MBP: variants seen among roughly 807,000 people sequenced by gnomAD.
MBP encodes myelin basic protein, also known as Golli-MBP.
Under a neutral mutation model 35.8 loss-of-function variants are expected in MBP, and 16 were observed. The ratio of observed to expected loss-of-function variants is 0.45; its 90% confidence interval spans 0.30 to 0.68. The LOEUF (loss-of-function observed/expected upper bound fraction) is 0.68, where lower values mean the gene tolerates loss of function less well. Among genes scored for constraint, MBP ranks in the 30% least tolerant of loss-of-function variants. The probability of loss-of-function intolerance (pLI) is 0.08; values close to 1 mark genes in which losing one functional copy is unlikely to be tolerated. For missense variants in MBP, 380 were observed against 404.7 expected, an observed-to-expected ratio of 0.94 and a Z score of 0.52; for synonymous variants, 143 against 159.6, an observed-to-expected ratio of 0.90 and a Z score of 0.78.
chr18:77,047,985 A>G (rs1973324001), intron 3 of MBP, among the ~76,000 whole-genome samples: 1 of 152,248 alleles, frequency 6.6e-6, no homozygotes, highest in African/African-American at 2.4e-5. Flanking sequence ...CTAGAAATCA[A>G]ATAATTTTCA....
intron 1 of MBP, among the ~76,000 whole-genome samples, chr18:77,125,780 A>C (rs1261780534): frequency 6.6e-6 from 1 of 152,056 alleles, no homozygotes; most frequent in East Asian, 1.9e-4. Flanking sequence ...TCGATAAAAT[A>C]TGTACACCTA....
intron 3 of MBP, among the ~76,000 whole-genome samples, chr18:77,051,762 T>C (rs470917): frequency 1 from 152,239 of 152,344 alleles, 76,067 homozygotes; most frequent in Middle Eastern, 1. Context: ...GTGACAGTGA[T>C]GGGGTTCAGT....
chr18:77,078,581 A>G (rs995678580), intron 2 of MBP, among the ~76,000 whole-genome samples: 1 of 152,232 alleles, frequency 6.6e-6, no homozygotes, highest in Non-Finnish European at 1.5e-5. Context: ...AGGAAATTCG[A>G]AGCCGTCTTC....
chr18:77,092,905 G>T (rs1364057306), intron 2 of MBP, among the ~76,000 whole-genome samples: 1 of 152,146 alleles, frequency 6.6e-6, no homozygotes, highest in African/African-American at 2.4e-5. Context: ...CCGGCCCCGC[G>T]TGCGTATTTC....
At chr18:77,014,132 C>T in intron 4 of MBP, 1 of 985,454 alleles carries the variant, frequency 1.0e-6, no homozygotes, top group Non-Finnish European at 1.2e-6. Context: ...CGTGAATGCA[C>T]TTTTCATTTA....
chr18:77,124,226 C>T (rs561961744), intron 1 of MBP, among the ~76,000 whole-genome samples: 2 of 152,310 alleles, frequency 1.3e-5, no homozygotes, highest in Admixed American at 1.3e-4. Flanking sequence ...TCTATCTCCT[C>T]TTTATTACTT....
chr18:77,044,723 C>G lies in MBP; in HGVS notation c.139+21575G>C, dbSNP rs1225664096. Among the ~76,000 whole-genome samples the G allele has an allele frequency of 6.6e-6, 1 of 152,132 alleles. No homozygotes were observed. The highest frequency in any genetic ancestry group is 1.5e-5 in the Non-Finnish European group (1 of 68,024). On this transcript the variant is annotated intron_variant, in intron 3 of 8. Transcript: ENST00000355994. The surrounding 1 kb of genome is among the most constrained non-coding windows in gnomAD (Gnocchi z 4.4). The stretch of plus-strand genomic sequence containing the variant: ...AAGTCAGATCTGAAATGCTTAAAAG[C>G]AAATTAAACTTAACTCATAAAAGGA...
Position 76,979,862 on chromosome 18 carries a change from G to A in MBP, c.*565C>T, listed in dbSNP as rs1969077957. The A allele has an allele frequency of 4.4e-6, 3 of 676,496 alleles. No homozygotes were observed. The Admixed American group carries it at 6.5e-5, about 15-fold the overall frequency. 41.9% of individuals were successfully genotyped at this position (676,496 alleles called of 1,614,324 possible). On this transcript the variant is annotated 3_prime_UTR_variant, in exon 9 of 9. Coordinates refer to ENST00000355994, the MANE Select transcript of MBP (RefSeq NM_001025101.2). The stretch of plus-strand genomic sequence containing the variant: ...ACTCTAACAGCTGCCCAGCCCGCAT[G>A]TCACATACCAAAAGCTCCCACATGT...
At chr18:77,090,391 CT>C (rs56972371) in intron 2 of MBP, among the ~76,000 whole-genome samples, 22,663 of 152,216 alleles carry the variant, frequency 0.15, 1,832 homozygotes, top group African/African-American at 0.22. Context: ...TGGATCCATG[CT>C]TTCACCAGCT....
chr18:76,997,891 C>T (rs1188352134), intron 4 of MBP, among the ~76,000 whole-genome samples: 1 of 152,062 alleles, frequency 6.6e-6, no homozygotes, highest in South Asian at 2.1e-4. Context: ...ACTGTGTTAG[C>T]CAGGATGGTC....
chr18:77,046,733 A>T (rs1324205076), intron 3 of MBP, among the ~76,000 whole-genome samples: 1 of 152,110 alleles, frequency 6.6e-6, no homozygotes, highest in Non-Finnish European at 1.5e-5. Context: ...CTCTCCAAAG[A>T]CTCGGTCCTT....
At chr18:77,028,820 G>A (rs1164941304) in intron 3 of MBP, among the ~76,000 whole-genome samples, 1 of 102,934 alleles carries the variant, frequency 9.7e-6, no homozygotes, top group African/African-American at 2.8e-5. Context: ...CAGACGGGGC[G>A]GCCGGGCAGA....
chr18:77,094,715 A>G (rs1389493085), intron 2 of MBP, among the ~76,000 whole-genome samples: 2 of 152,218 alleles, frequency 1.3e-5, no homozygotes, highest in African/African-American at 4.8e-5. Flanking sequence ...AAACAGAGCT[A>G]ATACCTGTCT....
At chr18:77,014,325 G>C in intron 4 of MBP, 4 of 985,520 alleles carry the variant, frequency 4.1e-6, no homozygotes, top group African/African-American at 1.7e-5. Flanking sequence ...AGGAGGGTGG[G>C]AGGAGGACAA....
chr18:77,084,426 CCACACCACACACA>C lies in MBP; in HGVS notation c.52-18054_52-18042del, dbSNP rs1364738951. Among the ~76,000 whole-genome samples, 199 of 58,510 alleles carry C rather than the reference CCACACCACACACA, an allele frequency of 3.4e-3. 3 individuals carry two copies. The highest frequency in any genetic ancestry group is 8.6e-3 in the African/African-American group (138 of 16,108). 38.4% of individuals were successfully genotyped at this position (58,510 alleles called of 152,430 possible). On this transcript the variant is annotated intron_variant, in intron 2 of 8. Coordinates refer to ENST00000355994, the MANE Select transcript of MBP (RefSeq NM_001025101.2). ...TCACAACACCGCCCCCCCCGCCACA[CCACACCACACACA>C]CACACACACACACACACACACACAC...
At chr18:77,018,340 CTAT>C (rs1971766329) in intron 3 of MBP, among the ~76,000 whole-genome samples, 12 of 127,686 alleles carry the variant, frequency 9.4e-5, no homozygotes. Context: ...ATCCATCCAT[CTAT>C]CCATCCATCC....
Position 76,998,350 on chromosome 18 carries a change from ACCG to A in MBP, c.577-8293_577-8291del, listed in dbSNP as rs1568276050. Reference sequence around the variant, plus strand: ...CCGTCAGAATCCCCTTCCACCTTCCACCGTTAGGCTGAACGACATCCACGGCAC... The same window carrying A: ...CCGTCAGAATCCCCTTCCACCTTCCATTAGGCTGAACGACATCCACGGCAC... On this transcript the variant is annotated intron_variant, in intron 4 of 8. Transcript: ENST00000355994. 7.1e-3 allele frequency among the ~76,000 whole-genome samples: 770 copies of A among 108,602 alleles called. 11 individuals are homozygous for A. The highest frequency in any genetic ancestry group is 0.058 in the East Asian group (142 of 2,456). 71.2% of individuals were successfully genotyped at this position (108,602 alleles called of 152,430 possible). A position where few individuals can be genotyped will look rare whatever the true frequency, so the allele number is the denominator to read the frequency against.
intron 1 of MBP, among the ~76,000 whole-genome samples, chr18:77,106,776 A>G (rs1422475913): frequency 2.0e-5 from 3 of 152,226 alleles, no homozygotes; most frequent in African/African-American, 7.2e-5. Context: ...TTTGATATGT[A>G]TGATTTTAAA....
rs778610173 is a variant in MBP, at chr18:76,988,319, C to T, written c.750+176G>A. The T allele has an allele frequency of 1.5e-5, 24 of 1,576,944 alleles. No individual in the cohort carries two copies. The highest frequency in any genetic ancestry group is 4.6e-5 in the South Asian group (4 of 86,808). On this transcript the variant is annotated intron_variant, in intron 7 of 8. Coordinates refer to ENST00000355994, the MANE Select transcript of MBP (RefSeq NM_001025101.2). This position sits in a 1 kb window ranked among gnomAD's most constrained non-coding sequence, Gnocchi z 5.2. ...CCAGACCTTCCGGAAGGGAAGACCA[C>T]GTTTCATTTCCCCAGTGGAAGACAA...
Sources: allele counts gnomAD v4.1 joint callset (sites outside exome capture counted in the v4.1 genomes callset), GRCh38; gene constraint gnomAD v4.1.1; non-coding constraint Gnocchi (gnomAD v3.1); transcripts MANE v1.5; gene names NCBI Gene and HGNC (gene_info 2026-07-23, HGNC 2026-07-21).